NR2F1-AS1: variants seen among roughly 807,000 people sequenced by gnomAD.
NR2F1-AS1 encodes NR2F1 antisense RNA 1.
chr5:93,563,066 C>T (rs1752531536), intron 2 of NR2F1-AS1, among the ~76,000 whole-genome samples: 1 of 152,114 alleles, frequency 6.6e-6, no homozygotes, highest in Admixed American at 6.5e-5. Flanking sequence ...AATATATAGC[C>T]AATGCTGGTT....
intron 4 of NR2F1-AS1, among the ~76,000 whole-genome samples, chr5:93,520,539 C>A (rs1751480826): frequency 6.6e-6 from 1 of 152,094 alleles, no homozygotes; most frequent in African/African-American, 2.4e-5. Context: ...TGAAGAATGA[C>A]TTTATCTGAA....
chr5:93,469,682 G>A (rs929532920), intron 4 of NR2F1-AS1, among the ~76,000 whole-genome samples: 1 of 152,010 alleles, frequency 6.6e-6, no homozygotes, highest in Admixed American at 6.6e-5. Flanking sequence ...AGAAATACAT[G>A]TTGAATCAAT....
intron 4 of NR2F1-AS1, among the ~76,000 whole-genome samples, chr5:93,496,821 T>G (rs185492032): frequency 3.2e-4 from 48 of 152,324 alleles, no homozygotes; most frequent in Admixed American, 1.2e-3. Context: ...TCAGCATTCT[T>G]GGATGTATAA....
At chr5:93,455,631 G>A (rs1052849637) in intron 4 of NR2F1-AS1, among the ~76,000 whole-genome samples, 1 of 152,038 alleles carries the variant, frequency 6.6e-6, no homozygotes. Flanking sequence ...ATATAAATAC[G>A]AATTAGAAGA....
intron 4 of NR2F1-AS1, among the ~76,000 whole-genome samples, chr5:93,465,408 T>C (rs1750206223): frequency 6.6e-6 from 1 of 152,154 alleles, no homozygotes; most frequent in Non-Finnish European, 1.5e-5. Flanking sequence ...ATGGCGATCA[T>C]TAAAAAGTCA....
At chr5:93,522,673 C>G (rs1293427354) in intron 4 of NR2F1-AS1, among the ~76,000 whole-genome samples, 1 of 151,612 alleles carries the variant, frequency 6.6e-6, no homozygotes, top group African/African-American at 2.4e-5. Flanking sequence ...ACTGGTTAGA[C>G]AGTGGGTGCA....
intron 4 of NR2F1-AS1, among the ~76,000 whole-genome samples, chr5:93,541,013 T>C (rs946545352): frequency 3.3e-5 from 5 of 152,232 alleles, no homozygotes; most frequent in African/African-American, 1.2e-4. Flanking sequence ...CCCTCACTTT[T>C]TCTTTTCTCC....
intron 4 of NR2F1-AS1, among the ~76,000 whole-genome samples, chr5:93,549,664 A>C (rs1752177996): frequency 6.6e-6 from 1 of 152,158 alleles, no homozygotes; most frequent in Non-Finnish European, 1.5e-5. Flanking sequence ...TAAGGGAATG[A>C]CTGAATTTTG....
intron 4 of NR2F1-AS1, among the ~76,000 whole-genome samples, chr5:93,504,585 A>G (rs1053641913): frequency 2.0e-5 from 3 of 152,156 alleles, no homozygotes; most frequent in South Asian, 2.1e-4. Context: ...GAAAGAATTG[A>G]ACTTACAGTT....
intron 4 of NR2F1-AS1, among the ~76,000 whole-genome samples, chr5:93,428,297 T>TC (rs1346434315): frequency 3.3e-5 from 5 of 152,188 alleles, no homozygotes; most frequent in African/African-American, 1.2e-4. Context: ...TGTGAGAACT[T>TC]CAAGTTCTTT....
intron 2 of NR2F1-AS1, among the ~76,000 whole-genome samples, chr5:93,562,283 T>C (rs915450742): frequency 1.3e-5 from 2 of 151,826 alleles, no homozygotes; most frequent in Non-Finnish European, 2.9e-5. Flanking sequence ...TACTAAATAA[T>C]ACTATAATTT....
intron 4 of NR2F1-AS1, among the ~76,000 whole-genome samples, chr5:93,449,631 T>C (rs1448047642): frequency 2.6e-5 from 4 of 152,220 alleles, no homozygotes; most frequent in Non-Finnish European, 2.9e-5. Context: ...AATCTTACTT[T>C]ATTTTAAAAT....
At chr5:93,496,837 A>G (rs1360474388) in intron 4 of NR2F1-AS1, among the ~76,000 whole-genome samples, 1 of 152,208 alleles carries the variant, frequency 6.6e-6, no homozygotes, top group Admixed American at 6.6e-5. Flanking sequence ...TATAATAAAG[A>G]GACGGTCACA....
chr5:93,480,470 A>G (rs1383548763), intron 4 of NR2F1-AS1, among the ~76,000 whole-genome samples: 1 of 152,186 alleles, frequency 6.6e-6, no homozygotes, highest in Non-Finnish European at 1.5e-5. Context: ...AAGTTCACTG[A>G]CAGACTTGCT....
intron 4 of NR2F1-AS1, among the ~76,000 whole-genome samples, chr5:93,446,574 C>T (rs1019974204): frequency 2.0e-5 from 3 of 152,140 alleles, no homozygotes; most frequent in African/African-American, 7.2e-5. Flanking sequence ...AATGGAAGAA[C>T]ATTCCATGCT....
At chr5:93,511,822 A>G (rs182981353) in intron 4 of NR2F1-AS1, among the ~76,000 whole-genome samples, 1 of 152,282 alleles carries the variant, frequency 6.6e-6, no homozygotes, top group East Asian at 1.9e-4. Flanking sequence ...TCTAGACTGC[A>G]CACTCCTCAT....
intron 4 of NR2F1-AS1, among the ~76,000 whole-genome samples, chr5:93,512,652 G>A (rs780947568): frequency 1.3e-5 from 2 of 152,122 alleles, no homozygotes; most frequent in Non-Finnish European, 2.9e-5. Flanking sequence ...TCCACTCACA[G>A]TAAGTGCCCT....
At chr5:93,463,254 G>A (rs1164358532) in intron 4 of NR2F1-AS1, among the ~76,000 whole-genome samples, 1 of 152,188 alleles carries the variant, frequency 6.6e-6, no homozygotes, top group East Asian at 1.9e-4. Context: ...CTCAGGCCAT[G>A]GCTTCAGAGG....
intron 4 of NR2F1-AS1, among the ~76,000 whole-genome samples, chr5:93,481,659 A>G (rs1380702876): frequency 6.6e-6 from 1 of 152,152 alleles, no homozygotes; most frequent in Non-Finnish European, 1.5e-5. Context: ...AATTTAGGCC[A>G]TAACACAATT....
Sources: allele counts gnomAD v4.1 joint callset (sites outside exome capture counted in the v4.1 genomes callset), GRCh38; gene constraint gnomAD v4.1.1; transcripts MANE v1.5; gene names NCBI Gene and HGNC (gene_info 2026-07-23, HGNC 2026-07-21).